The following CLIC5 variants were observed in gnomAD, a reference collection of about 807,000 sequenced individuals.
The protein encoded by CLIC5 is chloride intracellular channel protein 5.
Under a neutral mutation model 24.7 loss-of-function variants are expected in CLIC5, and 20 were observed. The observed-to-expected ratio is 0.81, with a 90% CI of 0.57 to 1.18. The LOEUF is 1.18. Among genes scored for constraint, CLIC5 ranks in the 50% most tolerant of loss-of-function variants. The pLI is 0.00. For synonymous variants in CLIC5, 159 were observed against 135.6 expected, an observed-to-expected ratio of 1.17 and a Z score of -1.20; for missense variants, 341 against 326.1, an observed-to-expected ratio of 1.05 and a Z score of -0.35.
chr6:45,966,745 A>T (rs761871696), intron 1 of CLIC5, among the ~76,000 whole-genome samples: 2 of 151,946 alleles, frequency 1.3e-5, no homozygotes, highest in African/African-American at 2.4e-5. Flanking sequence ...GTTCTTCTTC[A>T]CCTTCCATCC....
At chr6:46,029,741 T>C (rs958092298) in intron 1 of CLIC5, among the ~76,000 whole-genome samples, 1 of 152,186 alleles carries the variant, frequency 6.6e-6, no homozygotes, top group African/African-American at 2.4e-5. Context: ...ACCTCAATTT[T>C]CCATTCACCA....
intron 4 of CLIC5, among the ~76,000 whole-genome samples, chr6:45,927,821 A>G (rs1763560853): frequency 6.6e-6 from 1 of 152,144 alleles, no homozygotes; most frequent in Non-Finnish European, 1.5e-5. Flanking sequence ...GAAAATATAC[A>G]TGTTAATAAA....
rs542877596 is a variant in CLIC5 at position 46,078,055 on chromosome 6, G to A, written c.540+1648C>T. ...CCATGAGAAAAAAAAAATACATCTA[G>A]TCCTCACTTTAAAAAAGTCTGTGGC... On this transcript the variant is annotated intron_variant, in intron 1 of 5. Transcript: ENST00000185206. Among the ~76,000 whole-genome samples, 10 of 152,178 alleles carry A rather than the reference G, an allele frequency of 6.6e-5. No homozygotes were observed. In the South Asian group the frequency reaches 2.1e-3, roughly 32 times the overall value.
At chr6:45,912,344 G>A in intron 5 of CLIC5, 2 of 1,021,198 alleles carry the variant, frequency 2.0e-6, no homozygotes, top group Non-Finnish European at 1.2e-6. Context: ...ACCACCCACT[G>A]AATTTTCTCC....
At chr6:45,905,238 T>C (rs537831195) in intron 5 of CLIC5, among the ~76,000 whole-genome samples, 3 of 152,364 alleles carry the variant, frequency 2.0e-5, no homozygotes, top group Admixed American at 2.0e-4. Flanking sequence ...CCTTTGGATA[T>C]ATAACCAGTA....
At chr6:45,949,481 A>T in intron 2 of CLIC5, 100 bp from the exon 3 acceptor site, 1 of 1,314,648 alleles carries the variant, frequency 7.6e-7, no homozygotes. Context: ...GTGCTATCCA[A>T]CATGCCTGTC....
chr6:45,893,031 A>G lies in CLIC5; in HGVS notation c.624-11843T>C, dbSNP rs562028859. ...ACACCCTTATACAGTTCCCTTTTCT[A>G]GAATTAAATAACCACACGATAGCTT... is the stretch of plus-strand genomic sequence containing the variant. On this transcript the variant is annotated intron_variant, in intron 6 of 6. Transcript: ENST00000644324. 3.9e-5 allele frequency among the ~76,000 whole-genome samples: 6 copies of G among 152,310 alleles called. No individual in the cohort carries two copies. The South Asian group carries it at 1.2e-3, about 32-fold the overall frequency.
At chr6:46,067,819 T>C (rs1762484249) in intron 1 of CLIC5, among the ~76,000 whole-genome samples, 1 of 152,188 alleles carries the variant, frequency 6.6e-6, no homozygotes, top group Non-Finnish European at 1.5e-5. Flanking sequence ...GAAATATGGA[T>C]TCTGGAACTG....
chr6:46,044,280 C>T (rs1767895725), intron 1 of CLIC5, among the ~76,000 whole-genome samples: 1 of 152,150 alleles, frequency 6.6e-6, no homozygotes, highest in African/African-American at 2.4e-5. Flanking sequence ...AAATAACCAC[C>T]TCAGATCATA....
At chr6:46,114,734 TC>T in the CLIC5 span, among the ~76,000 whole-genome samples, 7 of 152,198 alleles carry the variant, frequency 4.6e-5, no homozygotes, top group Non-Finnish European at 1.0e-4. Flanking sequence ...GTTTAAAGCC[TC>T]CCAGTCTCTG....
intron 4 of CLIC5, among the ~76,000 whole-genome samples, chr6:45,932,440 T>G (rs1763773298): frequency 6.6e-6 from 1 of 152,258 alleles, no homozygotes; most frequent in African/African-American, 2.4e-5. Context: ...AGCTGAAGTG[T>G]GTAAGCCTAA....
intron 1 of CLIC5, among the ~76,000 whole-genome samples, chr6:46,073,534 G>A (rs1016241627): frequency 6.6e-6 from 1 of 152,210 alleles, no homozygotes; most frequent in African/African-American, 2.4e-5. Context: ...AAAGCATGAT[G>A]TCTGTTTGGT....
chr6:46,013,849 C>T (rs761391126), intron 1 of CLIC5, among the ~76,000 whole-genome samples: 2 of 152,354 alleles, frequency 1.3e-5, no homozygotes, highest in South Asian at 4.1e-4. Flanking sequence ...GAATCGCTTT[C>T]TTCAAGGAGA....
rs536255172 is a variant in CLIC5, at chr6:46,079,661, T to A, written c.540+42A>T. On this transcript the variant is annotated intron_variant, in intron 1 of 5. Coordinates refer to the CLIC5 transcript ENST00000185206. ...GAGCAAAATAAAACACCAGCCATAATATCTGCATGAACAGGGTATGCCTGT... is the reference window on the plus strand; with the variant it reads ...GAGCAAAATAAAACACCAGCCATAAAATCTGCATGAACAGGGTATGCCTGT... The A allele has an allele frequency of 9.5e-6, 14 of 1,480,724 alleles. No individual in the cohort carries two copies. In the East Asian group the frequency reaches 3.5e-4, roughly 37 times the overall value. 91.7% of individuals were successfully genotyped at this position (1,480,724 alleles called of 1,614,324 possible).
chr6:46,079,853 C>G (rs1231222417), exon 1 of CLIC5: 4 of 1,552,110 alleles, frequency 2.6e-6, no homozygotes, highest in Non-Finnish European at 3.5e-6. Flanking sequence ...CTTCCTTCAT[C>G]ACACTCCCAT....
At chr6:46,011,768 C>T (rs1429399539) in intron 1 of CLIC5, among the ~76,000 whole-genome samples, 2 of 152,196 alleles carry the variant, frequency 1.3e-5, no homozygotes, top group African/African-American at 4.8e-5. Context: ...TACTTCCTTG[C>T]TCTATTTCTT....
intron 1 of CLIC5, among the ~76,000 whole-genome samples, chr6:46,026,346 T>A (rs1008049679): frequency 2.4e-4 from 37 of 152,154 alleles, no homozygotes; most frequent in African/African-American, 8.9e-4. Context: ...CGCTCTCCAA[T>A]TTAGAATCTC....
At chr6:45,935,334 C>T (rs192032814) in intron 4 of CLIC5, among the ~76,000 whole-genome samples, 181 of 152,306 alleles carry the variant, frequency 1.2e-3, no homozygotes, top group African/African-American at 4.0e-3. Flanking sequence ...GAGGTGGAGG[C>T]ACTGGCTTGC....
upstream of CLIC5, among the ~76,000 whole-genome samples, chr6:46,082,674 A>G (rs796963778): frequency 8.6e-5 from 13 of 151,958 alleles, no homozygotes; most frequent in African/African-American, 3.1e-4. Context: ...AATTCCCCCA[A>G]CTCCTATAAA....
Sources: allele counts gnomAD v4.1 joint callset (sites outside exome capture counted in the v4.1 genomes callset), GRCh38; gene constraint gnomAD v4.1.1; transcripts MANE v1.5; gene names NCBI Gene and HGNC (gene_info 2026-07-23, HGNC 2026-07-21).